TOX: variants seen among roughly 807,000 people sequenced by gnomAD.
TOX encodes thymocyte selection-associated high mobility group box protein TOX.
Under a neutral mutation model 53.7 loss-of-function variants are expected in TOX, and 11 were observed. The observed-to-expected ratio is 0.20, with a 90% confidence interval of 0.13 to 0.34. TOX has a LOEUF of 0.34. TOX is among the 10% of genes least tolerant of loss of function. The pLI, the probability that TOX is intolerant of heterozygous loss-of-function variation, is 1.00. For synonymous variants in TOX, 225 were observed against 245.3 expected (o/e 0.92, Z 0.77); for missense variants, 570 against 664.6 (o/e 0.86, Z 1.56).
At chr8:59,019,778 T>G (rs922504892) in intron 1 of TOX, among the ~76,000 whole-genome samples, 1 of 152,208 alleles carries the variant, frequency 6.6e-6, no homozygotes. Context: ...AATATGTGTG[T>G]GTTTCTACTT....
At chr8:58,833,611 C>G (rs906091984) in intron 5 of TOX, among the ~76,000 whole-genome samples, 1 of 152,098 alleles carries the variant, frequency 6.6e-6, no homozygotes, top group Non-Finnish European at 1.5e-5. Flanking sequence ...GGTTCCAGTC[C>G]GTGAAAGATA....
At chr8:58,973,369 T>C (rs1813034639) in intron 1 of TOX, among the ~76,000 whole-genome samples, 1 of 152,232 alleles carries the variant, frequency 6.6e-6, no homozygotes, top group Non-Finnish European at 1.5e-5. Context: ...AACTTTTATG[T>C]AGGTTATAAA....
intron 1 of TOX, among the ~76,000 whole-genome samples, chr8:59,015,619 TTATAAAAGACATA>T (rs1392801679): frequency 6.6e-6 from 1 of 152,180 alleles, no homozygotes; most frequent in Non-Finnish European, 1.5e-5. Context: ...AAAGAAATGA[TTATAAAAGACATA>T]GATAAAAAAG....
intron 3 of TOX, among the ~76,000 whole-genome samples, chr8:58,928,305 G>A (rs1390168263): frequency 6.6e-6 from 1 of 152,166 alleles, no homozygotes; most frequent in Non-Finnish European, 1.5e-5. Context: ...CTGCTTTGGG[G>A]AAAGAAAAAA....
intron 3 of TOX, among the ~76,000 whole-genome samples, chr8:58,867,398 A>G (rs1811121130): frequency 6.6e-6 from 1 of 152,146 alleles, no homozygotes. Flanking sequence ...CGCTGTCCCC[A>G]TTCTGGGGGT....
At chr8:59,052,996 T>C (rs1018270914) in intron 1 of TOX, among the ~76,000 whole-genome samples, 2 of 152,218 alleles carry the variant, frequency 1.3e-5, no homozygotes, top group African/African-American at 4.8e-5. Context: ...AAGACTTAGA[T>C]AAATCAATAT....
intron 2 of TOX, among the ~76,000 whole-genome samples, chr8:58,958,686 G>T (rs115237556): frequency 0.017 from 2,640 of 152,270 alleles, 66 homozygotes; most frequent in African/African-American, 0.059. Flanking sequence ...CCTTCCAAAA[G>T]TATTCTTAGA....
chr8:58,979,970 T>C (rs1813171551), intron 1 of TOX, among the ~76,000 whole-genome samples: 1 of 152,234 alleles, frequency 6.6e-6, no homozygotes, highest in Non-Finnish European at 1.5e-5. Flanking sequence ...AACTTTATCA[T>C]TTAAAAGATC....
intron 1 of TOX, among the ~76,000 whole-genome samples, chr8:59,098,787 T>C (rs767068628): frequency 2.0e-5 from 3 of 152,228 alleles, no homozygotes; most frequent in African/African-American, 7.2e-5. Context: ...CCTTGACTTC[T>C]GATTCCCAAA....
intron 1 of TOX, among the ~76,000 whole-genome samples, chr8:59,102,130 C>T (rs922499614): frequency 6.6e-6 from 1 of 152,194 alleles, no homozygotes; most frequent in African/African-American, 2.4e-5. Flanking sequence ...CTGGGGAGGT[C>T]TCATAATCAT....
At position 58,823,317 on chromosome 8, in the gene TOX, G is replaced by A. The variant is rs149487658; in HGVS notation, c.1005+3505C>T. Among the ~76,000 whole-genome samples, 561 of 152,150 alleles carry A rather than the reference G, an allele frequency of 3.7e-3. 6 individuals are homozygous for A. Among genetic ancestry groups the A allele is most frequent in the African/African-American group, 0.013 (534 of 41,500 alleles). On this transcript the variant is annotated intron_variant, in intron 6 of 8. Transcript: ENST00000361421. The stretch of plus-strand genomic sequence containing the variant: ...TGGCTCACTGCAACCTCTACCTCAC[G>A]GGTTCAAGTGATTCTCCTGCTTCAG...
chr8:59,081,864 G>A (rs1048075093), intron 1 of TOX, among the ~76,000 whole-genome samples: 7 of 152,168 alleles, frequency 4.6e-5, no homozygotes, highest in African/African-American at 1.2e-4. Flanking sequence ...AATACTGCAC[G>A]GCAGACTTCC....
chr8:59,047,727 G>A (rs72651376), intron 1 of TOX, among the ~76,000 whole-genome samples: 9,755 of 152,122 alleles, frequency 0.064, 459 homozygotes, highest in Non-Finnish European at 0.099. Context: ...GAATATGACA[G>A]TATGCTGGCT....
intron 2 of TOX, among the ~76,000 whole-genome samples, chr8:58,951,502 A>G (rs1812620552): frequency 6.6e-6 from 1 of 151,720 alleles, no homozygotes; most frequent in African/African-American, 2.4e-5. Context: ...CTTTGCACCC[A>G]TAGTACAGGG....
intron 2 of TOX, among the ~76,000 whole-genome samples, chr8:58,943,086 A>G (rs1317671161): frequency 6.6e-6 from 1 of 152,182 alleles, no homozygotes; most frequent in Non-Finnish European, 1.5e-5. Flanking sequence ...AGTGACCAAT[A>G]TAATTCCTCT....
rs1258033932 is a variant in TOX at position 59,040,327 on chromosome 8, T to TC, written c.102+78558dup. Among the ~76,000 whole-genome samples the TC allele has an allele frequency of 7.1e-4, 13 of 18,410 alleles. 1 individual carries two copies. The highest frequency in any genetic ancestry group is 7.0e-4 in the Non-Finnish European group (4 of 5,686). 12.1% of individuals were successfully genotyped at this position (18,410 alleles called of 152,430 possible). ...CTGGGCGACAGAGCGAGACTCCGTC[T>TC]CAAAAAAAAAAAAAAAAAAAAAAGA... On this transcript the variant is annotated intron_variant, in intron 1 of 8. Transcript: ENST00000361421.
At chr8:58,931,890 T>C (rs1812260836) in intron 3 of TOX, among the ~76,000 whole-genome samples, 1 of 152,206 alleles carries the variant, frequency 6.6e-6, no homozygotes, top group African/African-American at 2.4e-5. Context: ...TCTGATTACT[T>C]GGCTTAGAAA....
intron 3 of TOX, among the ~76,000 whole-genome samples, chr8:58,866,401 T>A (rs1223153308): frequency 6.6e-6 from 1 of 152,214 alleles, no homozygotes; most frequent in Non-Finnish European, 1.5e-5. Flanking sequence ...GCCTCACACA[T>A]TTTAATGCCA....
intron 3 of TOX, among the ~76,000 whole-genome samples, chr8:58,904,152 A>C (rs1811775866): frequency 6.6e-6 from 1 of 152,202 alleles, no homozygotes; most frequent in African/African-American, 2.4e-5. Context: ...TTGCTAAGAA[A>C]GATACTAAAA....
Sources: gnomAD v4.1 joint callset for allele counts (sites outside exome capture counted in the v4.1 genomes callset) on GRCh38, gnomAD v4.1.1 for gene constraint, MANE v1.5 for transcripts, NCBI Gene and HGNC (gene_info 2026-07-23, HGNC 2026-07-21) for gene names.